The following TMEM245 variants were observed in gnomAD, a reference collection of about 807,000 sequenced individuals.
TMEM245 encodes the protein protein CG-2.
In TMEM245, 69 loss-of-function variants were observed where a neutral mutation model predicts 101.2. That is an observed-to-expected ratio of 0.68 (90% CI 0.56 to 0.83). The LOEUF is 0.83. Ranked by LOEUF, TMEM245 falls within the 40% of genes least tolerant of loss-of-function variation. The pLI is 0.00. For missense variants in TMEM245, 1,075 were observed against 1,092.8 expected (o/e 0.98, Z 0.23); for synonymous variants, 537 against 449.8 (o/e 1.19, Z -2.45).
chr9:109,030,768 T>C (rs1341947064), intron 17 of TMEM245, among the ~76,000 whole-genome samples: 2 of 152,158 alleles, frequency 1.3e-5, no homozygotes, highest in African/African-American at 2.4e-5. Flanking sequence ...TCCCCTGCCA[T>C]CAACTAAGGA....
chr9:109,107,961 G>C (rs548865227), intron 2 of TMEM245, among the ~76,000 whole-genome samples: 1 of 152,300 alleles, frequency 6.6e-6, no homozygotes, highest in East Asian at 1.9e-4. Flanking sequence ...ACAGAGATCT[G>C]TTTAAAGCAC....
At chr9:109,034,552 T>A (rs887221748) in intron 16 of TMEM245, among the ~76,000 whole-genome samples, 1 of 152,116 alleles carries the variant, frequency 6.6e-6, no homozygotes. Flanking sequence ...ACTCAAGTGA[T>A]CTTCCTACCT....
intron 3 of TMEM245, among the ~76,000 whole-genome samples, chr9:109,104,991 A>C (rs56899598): frequency 1.3e-5 from 2 of 152,220 alleles, no homozygotes; most frequent in South Asian, 2.1e-4. Flanking sequence ...ACAAGCAATA[A>C]AAGAAAAAGT....
At chr9:109,098,833 C>A (rs1209556083) in intron 3 of TMEM245, among the ~76,000 whole-genome samples, 2 of 152,178 alleles carry the variant, frequency 1.3e-5, no homozygotes, top group African/African-American at 4.8e-5. Context: ...CAAATCCAAA[C>A]AAGCATGCTA....
chr9:109,060,269 C>T, intron 11 of TMEM245, 85 bp downstream of exon 11: 1 of 960,230 alleles, frequency 1.0e-6, no homozygotes, highest in South Asian at 1.7e-5. Context: ...TGAAATCCCA[C>T]TGTGAATATA....
At chr9:109,037,974 T>C (rs775851626) in intron 15 of TMEM245, 43 bp downstream of exon 15, 18 of 1,479,134 alleles carry the variant, frequency 1.2e-5, no homozygotes, top group African/African-American at 2.9e-5. Context: ...TGGCTTAACT[T>C]TCCTTAAATA....
In TMEM245 at chr9:109,020,428, T is replaced by C. The variant is rs1172928354; in HGVS notation, c.*32A>G. 1 of 1,611,022 alleles carries C rather than the reference T, an allele frequency of 6.2e-7. No homozygotes were observed. The highest frequency in any genetic ancestry group is 2.2e-5 in the East Asian group (1 of 44,854). ...GCTGAACTCGCTGTCAAATTTGAAC[T>C]TCCTAGAAAAATCACTGCAGAGGAA... On this transcript the variant is annotated 3_prime_UTR_variant, in exon 18 of 18. Transcript: ENST00000374586.
chr9:109,073,500 T>C (rs1471362851), intron 8 of TMEM245, 62 bp from the exon 9 acceptor site: 3 of 1,256,550 alleles, frequency 2.4e-6, no homozygotes, highest in Non-Finnish European at 3.4e-6. Context: ...TTAACATTTA[T>C]TTTTCTACTC....
Position 109,117,819 on chromosome 9 carries a change from C to G in TMEM245, c.579+1516G>C, listed in dbSNP as rs150381533. Among the ~76,000 whole-genome samples, 318 of 152,358 alleles carry G rather than the reference C, an allele frequency of 2.1e-3. 4 individuals are homozygous for G. The highest frequency in any genetic ancestry group is 7.0e-3 in the African/African-American group (292 of 41,588). Reference sequence around the variant, plus strand: ...ATGTTAGCAGAATCTATAAATGTGTCTTTGACAAAACTGAATTTCTTCAGG... The same window carrying G: ...ATGTTAGCAGAATCTATAAATGTGTGTTTGACAAAACTGAATTTCTTCAGG... On this transcript the variant is annotated intron_variant, in intron 1 of 17. Coordinates refer to ENST00000374586, the MANE Select transcript of TMEM245 (RefSeq NM_032012.4).
intron 11 of TMEM245, among the ~76,000 whole-genome samples, chr9:109,058,136 G>A (rs536730000): frequency 6.6e-6 from 1 of 151,118 alleles, no homozygotes; most frequent in African/African-American, 2.4e-5. Context: ...GAGTAGCTGT[G>A]ACTACGGGCG....
chr9:109,042,170 G>A lies in TMEM245; in HGVS notation c.2124-4053C>T, dbSNP rs574941259. ...TAAAATAACCAAACCAAAACTTTCC[G>A]GTATGCTACCTGCATGTGCACAGCA... is the stretch of plus-strand genomic sequence containing the variant. On this transcript the variant is annotated intron_variant, in intron 14 of 17. Coordinates refer to ENST00000374586, the MANE Select transcript of TMEM245 (RefSeq NM_032012.4). Among the ~76,000 whole-genome samples, 20 of 152,136 alleles carry A rather than the reference G, an allele frequency of 1.3e-4. No individual in the cohort carries two copies. In the East Asian group the frequency reaches 2.5e-3, roughly 19 times the overall value.
intron 11 of TMEM245, among the ~76,000 whole-genome samples, chr9:109,057,963 C>T (rs1189231857): frequency 6.9e-6 from 1 of 145,684 alleles, no homozygotes; most frequent in Non-Finnish European, 1.5e-5. Flanking sequence ...GGCCCTCCAC[C>T]TTTCTCTTGA....
At chr9:109,070,301 A>G (rs913258678) in intron 9 of TMEM245, among the ~76,000 whole-genome samples, 3 of 152,176 alleles carry the variant, frequency 2.0e-5, no homozygotes, top group African/African-American at 7.2e-5. Context: ...TACTTACAAC[A>G]GTCACCTCAA....
At chr9:109,053,060 C>A (rs1003346) in intron 12 of TMEM245, among the ~76,000 whole-genome samples, 64,530 of 151,962 alleles carry the variant, frequency 0.42, 13,950 homozygotes, top group African/African-American at 0.46. Context: ...AGAGGAGAAA[C>A]TGGGTAAAGG....
At chr9:109,075,913 T>C (rs931003585) in intron 8 of TMEM245, among the ~76,000 whole-genome samples, 1 of 152,234 alleles carries the variant, frequency 6.6e-6, no homozygotes, top group African/African-American at 2.4e-5. Flanking sequence ...TATTATTTGC[T>C]AGCTTCTGAA....
chr9:109,080,940 T>C lies in TMEM245; in HGVS notation c.1348A>G (p.Ile450Val), dbSNP rs1396257514. 6.3e-7 allele frequency: 1 copy of C among 1,585,638 alleles called. No homozygotes were observed. Among genetic ancestry groups the C allele is most frequent in the Non-Finnish European group, 8.6e-7 (1 of 1,159,066 alleles). Reference protein sequence around the residue: ...KLWHWLNKKMIIWLEKMLDKI... With the variant: ...KLWHWLNKKMVIWLEKMLDKI... ...TCTAACATCTTCTCCAACCAGATGA[T>C]CATCTGCACAAAAACGAAAAAGAGA... is the stretch of plus-strand genomic sequence containing the variant. The change falls in exon 8 of 18, where the codon ATC (isoleucine) becomes GTC (valine). Residue 450 changes from isoleucine (I) to valine (V), a missense_variant. Physicochemically the swap from Ile to Val is conservative, Grantham distance 29. Coordinates refer to ENST00000374586, the MANE Select transcript of TMEM245 (RefSeq NM_032012.4).
chr9:109,036,008 A>AAC, intron 16 of TMEM245, 198 bp downstream of exon 16: 1 of 225,562 alleles, frequency 4.4e-6, no homozygotes, highest in Non-Finnish European at 8.0e-6. Context: ...AAAAAAAAAA[A>AAC]CCCCAAAATA....
chr9:109,074,495 C>T (rs1443168419), intron 8 of TMEM245, among the ~76,000 whole-genome samples: 1 of 152,092 alleles, frequency 6.6e-6, no homozygotes, highest in Non-Finnish European at 1.5e-5. Context: ...ACATCGTTAT[C>T]CTTTTCTGAT....
At chr9:109,050,720 G>C (rs762411562) in intron 12 of TMEM245, 28 bp from the exon 13 acceptor site, 1 of 1,609,934 alleles carries the variant, frequency 6.2e-7, no homozygotes, top group East Asian at 2.2e-5. Flanking sequence ...CTGGATATCA[G>C]AACCAATCCT....
Sources: gnomAD v4.1 joint callset for allele counts (sites outside exome capture counted in the v4.1 genomes callset) on GRCh38, gnomAD v4.1.1 for gene constraint, MANE v1.5 for transcripts, NCBI Gene and HGNC (gene_info 2026-07-23, HGNC 2026-07-21) for gene names.